The following CUTC variants were observed in gnomAD, a reference collection of about 807,000 sequenced individuals.
CUTC encodes cutC copper transporter, also known as copper homeostasis protein cutC homolog.
CUTC carries 27 observed loss-of-function variants against 36.2 expected under a neutral mutation model. That is an observed-to-expected ratio of 0.75 (90% CI 0.55 to 1.03). CUTC has a LOEUF of 1.03. Ranked by LOEUF, CUTC falls within the 50% of genes least tolerant of loss-of-function variation. The pLI, the probability that CUTC is intolerant of heterozygous loss-of-function variation, is 0.00. For missense variants in CUTC, 315 were observed against 343.5 expected (o/e 0.92, Z 0.66); for synonymous variants, 114 against 118.3 (o/e 0.96, Z 0.24).
Position 99,736,317 on chromosome 10 carries a change from G to A in CUTC, c.133G>A (p.Gly45Ser), listed in dbSNP as rs2037296968. ...ATCAGCTGTGAATGCAGAAAGAGGA[G>A]GTAAGAGAAATCAGATAGTGAATGA... Reference protein sequence around the residue: ...VESAVNAERGGADRIELCSGL... With the variant: ...VESAVNAERGSADRIELCSGL... Residue 45 changes from glycine (G) to serine (S), a missense_variant and splice_region_variant, in exon 2 of 9, where the codon GGT becomes AGT. By Grantham distance (56) the Gly-to-Ser change is moderately conservative. Transcript: ENST00000370476. The A allele has an allele frequency of 1.2e-6, 2 of 1,611,430 alleles. No homozygotes were observed. Among genetic ancestry groups the A allele is most frequent in the East Asian group, 2.2e-5 (1 of 44,814 alleles).
In CUTC at chr10:99,735,139, C is replaced by G. The variant is rs944385114; in HGVS notation, c.62-1107C>G. Among the ~76,000 whole-genome samples, 3 of 145,386 alleles carry G rather than the reference C, an allele frequency of 2.1e-5. No homozygotes were observed. In the Admixed American group the frequency reaches 2.1e-4, roughly 10 times the overall value. On this transcript the variant is annotated intron_variant, in intron 1 of 8. Transcript: ENST00000370476. ...AAAAAAAAAAAAACAAACTTAGGAA[C>G]TCTAAGTCAAGTAGAAGTGATCAGA...
chr10:99,753,302 G>C (rs1455951278), intron 7 of CUTC, among the ~76,000 whole-genome samples: 1 of 152,228 alleles, frequency 6.6e-6, no homozygotes, highest in African/African-American at 2.4e-5. Context: ...TGGCAAAAAA[G>C]TTGAGGTCAG....
At chr10:99,736,520 C>T (rs989894795) in intron 2 of CUTC, among the ~76,000 whole-genome samples, 4 of 152,038 alleles carry the variant, frequency 2.6e-5, no homozygotes, top group African/African-American at 9.7e-5. Context: ...AGTCAAGTGT[C>T]GACAATAGTA....
In CUTC at chr10:99,750,414, A is replaced by G; in HGVS notation, c.601+18A>G. 1 of 1,584,612 alleles carries G rather than the reference A, an allele frequency of 6.3e-7. No individual in the cohort carries two copies. The highest frequency in any genetic ancestry group is 8.6e-7 in the Non-Finnish European group (1 of 1,169,406). ...AATGCCAGGTATTTATTTATCTATC[A>G]ATTCACTAGCATAACACTGAACTAT... On this transcript the variant is annotated intron_variant, in intron 7 of 8. Transcript: ENST00000370476.
intron 7 of CUTC, among the ~76,000 whole-genome samples, chr10:99,750,987 A>G (rs1166006218): frequency 1.3e-5 from 2 of 152,248 alleles, no homozygotes; most frequent in Non-Finnish European, 2.9e-5. Flanking sequence ...AACATAGAAG[A>G]GTGAGACAAA....
chr10:99,741,848 A>G (rs1207968505), intron 3 of CUTC, among the ~76,000 whole-genome samples: 4 of 152,314 alleles, frequency 2.6e-5, no homozygotes, highest in African/African-American at 9.6e-5. Flanking sequence ...CTGGGATTAC[A>G]GGCATGAGCC....
rs1272415222 is a variant in CUTC at position 99,739,714 on chromosome 10, T to C, written c.138T>C (p.Ala46=). 6.2e-7 allele frequency: 1 copy of C among 1,611,134 alleles called. No individual in the cohort carries two copies. The highest frequency in any genetic ancestry group is 8.5e-7 in the Non-Finnish European group (1 of 1,179,040). The part of the protein sequence containing the change: ...ESAVNAERGG[A]DRIELCSGLS... ...AGCAATGCTTTTATATTACAGGTGCTGATCGGATTGAATTATGTTCTGGTT... is the reference window on the plus strand; with the variant it reads ...AGCAATGCTTTTATATTACAGGTGCCGATCGGATTGAATTATGTTCTGGTT... The change falls in exon 3 of 9, where the codon GCT becomes GCC. Residue 46 remains alanine (A), a synonymous_variant. Coordinates refer to ENST00000370476, the MANE Select transcript of CUTC (RefSeq NM_015960.3).
At position 99,755,570 on chromosome 10, in the gene CUTC, T is replaced by G. The variant is rs182298886; in HGVS notation, c.708-55T>G. ...AATAGTCTATAAAATGAAGCGGCAG[T>G]AGGAGGGCCCATTTAATAACATAAT... On this transcript the variant is annotated intron_variant, in intron 8 of 8. Coordinates refer to ENST00000370476, the MANE Select transcript of CUTC (RefSeq NM_015960.3). 293 of 1,121,968 alleles carry G rather than the reference T, an allele frequency of 2.6e-4. No individual in the cohort carries two copies. The African/African-American group carries it at 4.0e-3, about 15-fold the overall frequency. The allele number at this position is 1,121,968 out of a possible 1,614,324, so 69.5% of individuals were successfully genotyped here.
chr10:99,735,213 G>A (rs1189518921), intron 1 of CUTC, among the ~76,000 whole-genome samples: 1 of 150,170 alleles, frequency 6.7e-6, no homozygotes, highest in African/African-American at 2.5e-5. Context: ...CATATTTTAA[G>A]AAGGAACAAT....
intron 6 of CUTC, 125 bp from the exon 7 acceptor site, chr10:99,750,244 T>A: frequency 3.8e-6 from 2 of 527,748 alleles, no homozygotes; most frequent in East Asian, 7.3e-5. Context: ...CTAGTAAAAA[T>A]TAAACATTAA....
rs972006794 is a variant in CUTC at position 99,732,259 on chromosome 10, G to C, written c.-90G>C. On this transcript the variant is annotated 5_prime_UTR_variant, in exon 1 of 9. Coordinates refer to ENST00000370476, the MANE Select transcript of CUTC (RefSeq NM_015960.3). ...GTCGGGGACGCGCGCACGGGCGCGC[G>C]CAGCTGTTGACGCGCTTCTTAGCTG... is the stretch of plus-strand genomic sequence containing the variant. 1.3e-6 allele frequency: 2 copies of C among 1,531,642 alleles called. No homozygotes were observed. The highest frequency in any genetic ancestry group is 1.8e-6 in the Non-Finnish European group (2 of 1,138,338). The allele number at this position is 1,531,642 out of a possible 1,614,324, so 94.9% of individuals were successfully genotyped here. A position where few individuals can be genotyped will look rare whatever the true frequency, so the allele number is the denominator to read the frequency against.
rs1464247093 is a variant in CUTC, at chr10:99,741,311, A to T, written c.193+1542A>T. On this transcript the variant is annotated intron_variant, in intron 3 of 8. Coordinates refer to ENST00000370476, the MANE Select transcript of CUTC (RefSeq NM_015960.3). ...CTACCCTGTGACCATGAATTTTGAA[A>T]TTTTCCTGTCTGGCTGGTGGAATAG... 2.6e-5 allele frequency among the ~76,000 whole-genome samples: 4 copies of T among 152,026 alleles called. No individual in the cohort carries two copies. The East Asian group carries it at 7.7e-4, about 29-fold the overall frequency.
Position 99,732,298 on chromosome 10 carries a change from C to T in CUTC, c.-51C>T, listed in dbSNP as rs1311622419. The T allele has an allele frequency of 8.4e-6, 13 of 1,549,022 alleles. No homozygotes were observed. The highest frequency in any genetic ancestry group is 1.8e-4 in the Middle Eastern group (1 of 5,536). Reference sequence around the variant, plus strand: ...GCTTCTTAGCTGGTGCGCGCCGGAGCCCAAATTCCAAGTGGAAACTGCAGG... The same window carrying T: ...GCTTCTTAGCTGGTGCGCGCCGGAGTCCAAATTCCAAGTGGAAACTGCAGG... On this transcript the variant is annotated 5_prime_UTR_variant, in exon 1 of 9. Transcript: ENST00000370476.
At chr10:99,746,325 A>T (rs1382587894) in intron 5 of CUTC, among the ~76,000 whole-genome samples, 1 of 152,114 alleles carries the variant, frequency 6.6e-6, no homozygotes, top group Non-Finnish European at 1.5e-5. Flanking sequence ...ACACATAGAC[A>T]CATAGAGGGG....
At chr10:99,739,190 G>C (rs1046230545) in intron 2 of CUTC, among the ~76,000 whole-genome samples, 4 of 152,116 alleles carry the variant, frequency 2.6e-5, no homozygotes, top group African/African-American at 9.7e-5. Flanking sequence ...TCTTTGGCTA[G>C]TGAGAGCTTC....
chr10:99,749,241 G>A (rs1399715192), intron 6 of CUTC, among the ~76,000 whole-genome samples: 1 of 152,150 alleles, frequency 6.6e-6, no homozygotes, highest in African/African-American at 2.4e-5. Flanking sequence ...ACAGGTCTGT[G>A]TTTAAACCCT....
chr10:99,754,454 A>G, intron 7 of CUTC, 75 bp from the exon 8 acceptor site: 1 of 945,130 alleles, frequency 1.1e-6, no homozygotes, highest in Non-Finnish European at 1.7e-6. Flanking sequence ...CAAGTAAAGT[A>G]AGCAGTCGTT....
intron 1 of CUTC, among the ~76,000 whole-genome samples, chr10:99,735,511 G>A (rs913574856): frequency 3.3e-5 from 5 of 152,220 alleles, no homozygotes; most frequent in East Asian, 1.9e-4. Flanking sequence ...GGGTTCAAGC[G>A]ATTCTCATGC....
chr10:99,754,225 C>A (rs950955851), intron 7 of CUTC, among the ~76,000 whole-genome samples: 5 of 152,058 alleles, frequency 3.3e-5, no homozygotes, highest in Non-Finnish European at 7.4e-5. Flanking sequence ...CCTTACCTTT[C>A]TTTTTAATTT....
Sources: gnomAD v4.1 joint callset for allele counts (sites outside exome capture counted in the v4.1 genomes callset) on GRCh38, gnomAD v4.1.1 for gene constraint, MANE v1.5 for transcripts, NCBI Gene and HGNC (gene_info 2026-07-23, HGNC 2026-07-21) for gene names.